SPEF2: variants seen among roughly 807,000 people sequenced by gnomAD.
SPEF2 encodes the protein sperm flagella and cilia-associated protein 2.
Under a neutral mutation model 224.6 loss-of-function variants are expected in SPEF2, and 187 were observed. The ratio of observed to expected loss-of-function variants is 0.83; its 90% confidence interval spans 0.74 to 0.94. The LOEUF (loss-of-function observed/expected upper bound fraction) is 0.94. SPEF2 is among the 40% of genes least tolerant of loss of function. The pLI is 0.00. For synonymous variants in SPEF2, 715 were observed against 707.3 expected (o/e 1.01, Z -0.17); for missense variants, 2,170 against 2,135.6 (o/e 1.02, Z -0.32).
chr5:35,630,157 A>C (rs1490079327), intron 2 of SPEF2, among the ~76,000 whole-genome samples: 1 of 152,144 alleles, frequency 6.6e-6, no homozygotes. Flanking sequence ...TTCAGGGTAC[A>C]ACCCCCCTCC....
rs1371148505 is a variant in SPEF2, at chr5:35,776,175, A to G, written c.4079-82A>G. 5.8e-5 allele frequency: 79 copies of G among 1,368,216 alleles called. No homozygotes were observed. The South Asian group carries it at 1.1e-3, about 19-fold the overall frequency. 84.8% of individuals were successfully genotyped at this position (1,368,216 alleles called of 1,614,324 possible). On this transcript the variant is annotated intron_variant, in intron 28 of 36. Coordinates refer to ENST00000356031, the MANE Select transcript of SPEF2 (RefSeq NM_024867.4). ...CTAAAGCTTCACAAATTGAAGCACC[A>G]GTGGTTTCAAAGTGAATCTGTTCAT...
intron 20 of SPEF2, among the ~76,000 whole-genome samples, chr5:35,727,201 C>A (rs1383112446): frequency 6.6e-6 from 1 of 152,176 alleles, no homozygotes; most frequent in Non-Finnish European, 1.5e-5. Context: ...TCCCCTGCAT[C>A]CCTCACCTAC....
chr5:35,793,249 C>G lies in SPEF2; in HGVS notation c.4645C>G (p.Pro1549Ala), dbSNP rs1489693335. The G allele has an allele frequency of 6.2e-7, 1 of 1,614,042 alleles. No homozygotes were observed. Among genetic ancestry groups the G allele is most frequent in the African/African-American group, 1.3e-5 (1 of 74,920 alleles). The part of the protein sequence containing the change: ...LLVTSMPWPI[P>A]LEEELLETLQ... ...AGTAACCTCAATGCCTTGGCCCATT[C>G]CCTTGGAGGAGGAGCTCCTTGAGAC... is the stretch of plus-strand genomic sequence containing the variant. Residue 1549 changes from proline to alanine, a missense_variant, in exon 32 of 37, where the codon CCC becomes GCC. Coordinates refer to ENST00000356031, the MANE Select transcript of SPEF2 (RefSeq NM_024867.4).
intron 3 of SPEF2, chr5:35,643,389 G>C: frequency 2.4e-6 from 1 of 422,430 alleles, no homozygotes; most frequent in South Asian, 1.7e-5. Context: ...AAGGACTTTG[G>C]AGATGAGGAA....
intron 20 of SPEF2, among the ~76,000 whole-genome samples, chr5:35,726,628 G>A (rs1162323727): frequency 6.6e-6 from 1 of 152,164 alleles, no homozygotes; most frequent in African/African-American, 2.4e-5. Flanking sequence ...AGCGGAAGAT[G>A]TATTTGCTTT....
At chr5:35,695,616 A>G in intron 13 of SPEF2, 119 bp from the exon 14 acceptor site, 1 of 652,024 alleles carries the variant, frequency 1.5e-6, no homozygotes, top group Non-Finnish European at 2.6e-6. Flanking sequence ...TCCTCTGAGC[A>G]TCTCAGGCAT....
At chr5:35,709,160 C>G (rs772058251) in intron 19 of SPEF2, 39 bp downstream of exon 19, 1 of 1,595,234 alleles carries the variant, frequency 6.3e-7, no homozygotes, top group Non-Finnish European at 8.5e-7. Flanking sequence ...TTTTCAGTTT[C>G]TTATTTTTAC....
chr5:35,641,752 A>G (rs1746655397), intron 3 of SPEF2, 69 bp downstream of exon 3: 4 of 1,515,872 alleles, frequency 2.6e-6, no homozygotes, highest in Middle Eastern at 2.4e-4. Flanking sequence ...TGACAATGAT[A>G]TTGAATTCTC....
chr5:35,649,419 A>C lies in SPEF2; in HGVS notation c.785A>C (p.Lys262Thr), dbSNP rs1425677469. The C allele has an allele frequency of 4.3e-6, 7 of 1,611,148 alleles. No homozygotes were observed. The South Asian group carries it at 6.6e-5, about 15-fold the overall frequency. ...EALIKKDLQA[K>T]ESASKTSLDT... ...TTAATAAAAAAGGATCTCCAAGCAA[A>C]AGAAAGGTGAGATGTGAGCTATTTT... The change falls in exon 6 of 37, where the codon AAA (lysine) becomes ACA (threonine). Residue 262 changes from lysine to threonine, a missense_variant. Transcript: ENST00000356031.
chr5:35,689,786 T>C (rs1049602433), intron 10 of SPEF2, among the ~76,000 whole-genome samples: 3 of 152,294 alleles, frequency 2.0e-5, no homozygotes, highest in Admixed American at 6.5e-5. Flanking sequence ...CATGTTTTTG[T>C]TATTGTGAAT....
In SPEF2 at chr5:35,686,509, C is replaced by A. The variant is rs1480237864; in HGVS notation, c.1525-4528C>A. ...CTATATGTGTATGTAAATAAAAAAT[C>A]TTAATTCTTATCTGATTTGTATGTC... On this transcript the variant is annotated intron_variant, in intron 10 of 36. Coordinates refer to ENST00000356031, the MANE Select transcript of SPEF2 (RefSeq NM_024867.4). Among the ~76,000 whole-genome samples, 7 of 152,102 alleles carry A rather than the reference C, an allele frequency of 4.6e-5. No individual in the cohort carries two copies. In the East Asian group the frequency reaches 1.3e-3, roughly 29 times the overall value.
chr5:35,790,094 C>G, intron 30 of SPEF2: 1 of 702,896 alleles, frequency 1.4e-6, no homozygotes, highest in Non-Finnish European at 2.6e-6. Flanking sequence ...ATCCAAATAT[C>G]CTGACACTAG....
intron 34 of SPEF2, 74 bp downstream of exon 34, chr5:35,800,221 G>T (rs2149853353): frequency 6.7e-7 from 1 of 1,492,678 alleles, no homozygotes; most frequent in Non-Finnish European, 9.1e-7. Flanking sequence ...TGACAACAAG[G>T]ACTCTATTAT....
At chr5:35,706,504 G>A (rs9292605) in intron 18 of SPEF2, among the ~76,000 whole-genome samples, 81,451 of 151,750 alleles carry the variant, frequency 0.54, 22,273 homozygotes, top group African/African-American at 0.56. Context: ...TTGGGATTTT[G>A]CCTTGAGACA....
chr5:35,617,956 G>A lies in SPEF2; in HGVS notation c.-42G>A, dbSNP rs1275105817. 1 of 1,554,974 alleles carries A rather than the reference G, an allele frequency of 6.4e-7. No homozygotes were observed. The highest frequency in any genetic ancestry group is 8.7e-7 in the Non-Finnish European group (1 of 1,147,514). On this transcript the variant is annotated 5_prime_UTR_variant, in exon 1 of 37. Transcript: ENST00000356031. Reference sequence around the variant, plus strand: ...GGCTGGCAGGCTTGGTTCCTGGCGAGTTTCTAAGCCCCCGCCTGCGGTCTG... The same window carrying A: ...GGCTGGCAGGCTTGGTTCCTGGCGAATTTCTAAGCCCCCGCCTGCGGTCTG...
intron 10 of SPEF2, among the ~76,000 whole-genome samples, chr5:35,688,861 A>G (rs1439793946): frequency 6.6e-6 from 1 of 152,208 alleles, no homozygotes; most frequent in African/African-American, 2.4e-5. Context: ...GTCAATGTCA[A>G]TTAGTATCTT....
chr5:35,748,951 C>A (rs537268012), intron 23 of SPEF2, among the ~76,000 whole-genome samples: 1 of 152,158 alleles, frequency 6.6e-6, no homozygotes, highest in East Asian at 1.9e-4. Flanking sequence ...AGTAGCTAAC[C>A]AAATCCAACA....
chr5:35,664,766 GAGAGAGAGAGA>G (rs1446916812), intron 8 of SPEF2, among the ~76,000 whole-genome samples: 1 of 141,534 alleles, frequency 7.1e-6, no homozygotes, highest in Admixed American at 6.9e-5. Flanking sequence ...GGAAGGAGGA[GAGAGAGAGAGA>G]GAGAAAGAGG....
chr5:35,801,340 A>G (rs1757394640), intron 34 of SPEF2, among the ~76,000 whole-genome samples: 1 of 152,094 alleles, frequency 6.6e-6, no homozygotes, highest in South Asian at 2.1e-4. Context: ...ATATGGTGAA[A>G]CCCCATCTCT....
Sources: allele counts gnomAD v4.1 joint callset (sites outside exome capture counted in the v4.1 genomes callset), GRCh38; gene constraint gnomAD v4.1.1; transcripts MANE v1.5; gene names NCBI Gene and HGNC (gene_info 2026-07-23, HGNC 2026-07-21).